The following CDCA7L variants were observed in gnomAD, a reference collection of about 807,000 sequenced individuals.
The protein encoded by CDCA7L is cell division cycle associated 7 like.
A neutral mutation model predicts 57.4 loss-of-function variants in CDCA7L; 44 were observed. The observed-to-expected ratio is 0.77, with a 90% CI of 0.60 to 0.98. The LOEUF is 0.98. Ranked by LOEUF, CDCA7L falls within the 50% of genes least tolerant of loss-of-function variation. The probability of loss-of-function intolerance (pLI) is 0.00; values close to 1 mark genes in which losing one functional copy is unlikely to be tolerated. For missense variants in CDCA7L, 644 were observed against 580.6 expected (o/e 1.11, Z -1.12); for synonymous variants, 236 against 202.8 (o/e 1.16, Z -1.39).
intron 1 of CDCA7L, among the ~76,000 whole-genome samples, chr7:21,932,965 A>C (rs1786060793): frequency 6.6e-6 from 1 of 152,144 alleles, no homozygotes; most frequent in Admixed American, 6.5e-5. Flanking sequence ...AGAAAAAAAA[A>C]AAGAACAACT....
Position 21,901,198 on chromosome 7 carries a change from GAA to G in CDCA7L, c.*1122_*1123del. 6.2e-7 allele frequency: 1 copy of G among 1,613,662 alleles called. No homozygotes were observed. The highest frequency in any genetic ancestry group is 1.1e-5 in the South Asian group (1 of 90,994). On this transcript the variant is annotated 3_prime_UTR_variant, in exon 10 of 10. Transcript: ENST00000406877. ...CATCTGGACCTTCAGGCTGAAGAGCGAAGAGAAGACTGCAAAATGGGTTCTGG... is the reference window on the plus strand; with the variant it reads ...CATCTGGACCTTCAGGCTGAAGAGCGGAGAAGACTGCAAAATGGGTTCTGG...
chr7:21,921,976 G>C (rs1193198257), intron 1 of CDCA7L, among the ~76,000 whole-genome samples: 1 of 152,156 alleles, frequency 6.6e-6, no homozygotes, highest in Non-Finnish European at 1.5e-5. Context: ...ACAGGTACTA[G>C]AATGGAATCC....
chr7:21,907,375 T>C, intron 4 of CDCA7L, among the ~76,000 whole-genome samples: 1 of 152,172 alleles, frequency 6.6e-6, no homozygotes, highest in East Asian at 1.9e-4. Context: ...ACATATAAGC[T>C]TGCATATACA....
At chr7:21,937,084 T>A (rs1786190739) in intron 1 of CDCA7L, among the ~76,000 whole-genome samples, 1 of 152,084 alleles carries the variant, frequency 6.6e-6, no homozygotes, top group Non-Finnish European at 1.5e-5. Context: ...AGAAATAAGT[T>A]TAACCAAAAA....
At chr7:21,902,654 G>A in intron 9 of CDCA7L, 4 of 502,682 alleles carry the variant, frequency 8.0e-6, no homozygotes, top group Non-Finnish European at 1.4e-5. Flanking sequence ...TAGGATTATG[G>A]CTGCCTCTTC....
intron 2 of CDCA7L, among the ~76,000 whole-genome samples, chr7:21,914,751 A>G (rs1785429922): frequency 6.6e-6 from 1 of 152,134 alleles, no homozygotes; most frequent in African/African-American, 2.4e-5. Flanking sequence ...ACCTTCCTGA[A>G]CGTCAGTTTC....
intron 7 of CDCA7L, 78 bp from the exon 8 acceptor site, chr7:21,904,337 TTCCAAGTATA>T: frequency 2.2e-6 from 3 of 1,368,430 alleles, no homozygotes; most frequent in Non-Finnish European, 2.9e-6. Flanking sequence ...CCATGTGCAT[TTCCAAGTATA>T]TGAAGAAATA....
chr7:21,905,571 T>C lies in CDCA7L; in HGVS notation c.982A>G (p.Ile328Val), dbSNP rs540501423. The C allele has an allele frequency of 4.3e-6, 7 of 1,614,116 alleles. No homozygotes were observed. In the African/African-American group the frequency reaches 9.3e-5, roughly 22 times the overall value. The change falls in exon 7 of 10, where the codon ATC becomes GTC. Residue 328 changes from isoleucine to valine, a missense_variant. Ile to Val is a conservative substitution (Grantham distance 29, BLOSUM62 3). Transcript: ENST00000406877. ...RISSFRPVEDITEEDLENVAI... is the reference protein window; with the variant it reads ...RISSFRPVEDVTEEDLENVAI... ...ACATTTTCTAAGTCCTCTTCGGTGA[T>C]ATCCTCCACTGGCCGAAAAGAAGAT...
intron 1 of CDCA7L, among the ~76,000 whole-genome samples, chr7:21,920,776 T>TA (rs1785625463): frequency 6.6e-6 from 1 of 152,244 alleles, no homozygotes; most frequent in Non-Finnish European, 1.5e-5. Context: ...TCAGAACTAA[T>TA]ACGCAAGGAA....
chr7:21,908,579 C>T, intron 3 of CDCA7L, 72 bp from the exon 4 acceptor site: 6 of 1,374,478 alleles, frequency 4.4e-6, no homozygotes, highest in Non-Finnish European at 5.8e-6. Context: ...GCATTTAAAA[C>T]AACTGACAGC....
At position 21,941,394 on chromosome 7, in the gene CDCA7L, C is replaced by T. The variant is rs141768454; in HGVS notation, c.24+4387G>A. Among the ~76,000 whole-genome samples the T allele has an allele frequency of 2.4e-3, 364 of 152,298 alleles. 1 individual carries two copies. Among genetic ancestry groups the T allele is most frequent in the Non-Finnish European group, 3.4e-3 (231 of 68,034 alleles). On this transcript the variant is annotated intron_variant, in intron 1 of 9. Coordinates refer to ENST00000406877, the MANE Select transcript of CDCA7L (RefSeq NM_018719.5). ...TTAGACAAAGATGACGACTGTGCTA[C>T]AGGCAAACACTTCATGGAAACTGCA...
chr7:21,914,707 C>T (rs1181072410), intron 2 of CDCA7L, among the ~76,000 whole-genome samples: 1 of 152,190 alleles, frequency 6.6e-6, no homozygotes, highest in Non-Finnish European at 1.5e-5. Context: ...CAGCTTGGTA[C>T]TTCCCAGATG....
At chr7:21,921,771 C>CAA (rs79353686) in intron 1 of CDCA7L, among the ~76,000 whole-genome samples, 36 of 140,622 alleles carry the variant, frequency 2.6e-4, no homozygotes, top group African/African-American at 8.9e-4. Context: ...TCTAGTGAAC[C>CAA]AAAAAAAAAA....
chr7:21,902,568 T>A, intron 9 of CDCA7L: 1 of 589,920 alleles, frequency 1.7e-6, no homozygotes, highest in African/African-American at 1.9e-5. Flanking sequence ...AGAACCACGA[T>A]TCAGAGTTTA....
intron 2 of CDCA7L, among the ~76,000 whole-genome samples, chr7:21,912,488 T>A (rs891312599): frequency 6.6e-6 from 1 of 152,182 alleles, no homozygotes; most frequent in Admixed American, 6.5e-5. Context: ...TGCTTTCACA[T>A]AGAACCAAAA....
intron 1 of CDCA7L, among the ~76,000 whole-genome samples, chr7:21,942,290 GATACA>G (rs1257295568): frequency 6.6e-6 from 1 of 152,200 alleles, no homozygotes. Context: ...TACTATGGAA[GATACA>G]TTTTTCTGAG....
At chr7:21,905,309 C>G (rs763319404) in intron 7 of CDCA7L, among the ~76,000 whole-genome samples, 197 bp downstream of exon 7, 28 of 152,036 alleles carry the variant, frequency 1.8e-4, no homozygotes, top group Non-Finnish European at 3.8e-4. Context: ...TAAGAGAGAC[C>G]GCCGTCCAGA....
chr7:21,903,597 G>T (rs1476451122), intron 8 of CDCA7L, among the ~76,000 whole-genome samples: 1 of 125,864 alleles, frequency 7.9e-6, no homozygotes, highest in African/African-American at 3.1e-5. Context: ...GACTGCCCCA[G>T]GCTCAAGGTC....
rs1351236083 is a variant in CDCA7L, at chr7:21,910,391, T to C, written c.303+1226A>G. Among the ~76,000 whole-genome samples the C allele has an allele frequency of 1.3e-5, 2 of 152,130 alleles. 1 individual carries two copies. Among genetic ancestry groups the C allele is most frequent in the African/African-American group, 4.8e-5 (2 of 41,428 alleles). On this transcript the variant is annotated intron_variant, in intron 3 of 9. Coordinates refer to ENST00000406877, the MANE Select transcript of CDCA7L (RefSeq NM_018719.5). ...CTATGTTGCTACTCATAGCAAAAAATCACTATCAAACGAAGCAGCCTACCA... is the reference window on the plus strand; with the variant it reads ...CTATGTTGCTACTCATAGCAAAAAACCACTATCAAACGAAGCAGCCTACCA...
Sources: allele counts gnomAD v4.1 joint callset (sites outside exome capture counted in the v4.1 genomes callset), GRCh38; gene constraint gnomAD v4.1.1; transcripts MANE v1.5; gene names NCBI Gene and HGNC (gene_info 2026-07-23, HGNC 2026-07-21).